The following USP24 variants were observed in gnomAD, a reference collection of about 807,000 sequenced individuals.
USP24 encodes the protein ubiquitin carboxyl-terminal hydrolase 24.
A neutral mutation model predicts 361.6 loss-of-function variants in USP24; 97 were observed. The ratio of observed to expected loss-of-function variants is 0.27; its 90% confidence interval spans 0.23 to 0.32. The LOEUF is 0.32. Ranked by LOEUF, USP24 falls within the 10% of genes least tolerant of loss-of-function variation. The pLI is 1.00. For missense variants in USP24, 2,353 were observed against 3,165.6 expected, an observed-to-expected ratio of 0.74 and a Z score of 6.16; for synonymous variants, 1,098 against 1,124.6, an observed-to-expected ratio of 0.98 and a Z score of 0.47.
intron 16 of USP24, among the ~76,000 whole-genome samples, chr1:55,150,337 A>C (rs1172226711): frequency 6.6e-6 from 1 of 152,206 alleles, no homozygotes; most frequent in African/African-American, 2.4e-5. Context: ...CAAAACGGAC[A>C]GTTTCTTTTT....
intron 7 of USP24, among the ~76,000 whole-genome samples, chr1:55,165,200 T>C (rs1415951446): frequency 2.6e-5 from 4 of 152,130 alleles, no homozygotes; most frequent in Admixed American, 2.0e-4. Flanking sequence ...TTTTAACACA[T>C]TATTTTCTGT....
chr1:55,100,933 T>C lies in USP24; in HGVS notation c.5177A>G (p.Asn1726Ser). 6.2e-7 allele frequency: 1 copy of C among 1,613,270 alleles called. No individual in the cohort carries two copies. Among genetic ancestry groups the C allele is most frequent in the Non-Finnish European group, 8.5e-7 (1 of 1,179,664 alleles). ...TTGGTAAAACACGCTATCATCTGGA[T>C]TGTCTGTGTCATCATCCACTGAAAG... ...SLLSVDDDTD[N>S]PDDSVFYQVQ... The change falls in exon 44 of 68, where the codon AAT becomes AGT. Residue 1726 changes from asparagine (N) to serine (S), a missense_variant. Asn to Ser is a conservative substitution (Grantham distance 46). Around this residue, in one of 8 missense-constraint regions of USP24, gnomAD observed 949 missense variants for 1,280.5 expected, o/e 0.74. Transcript: ENST00000294383.
rs1410757363 is a variant in USP24 at position 55,167,034 on chromosome 1, CTT to C, written c.826-433_826-432del. Reference sequence around the variant, plus strand: ...TCTTAAGCAAGCTCTATTTTCTCCTCTTTTTCTTTTCTTTTTGAGCATTCACT... The same window carrying C: ...TCTTAAGCAAGCTCTATTTTCTCCTCTTTCTTTTCTTTTTGAGCATTCACT... On this transcript the variant is annotated intron_variant, in intron 5 of 67. Coordinates refer to ENST00000294383, the MANE Select transcript of USP24 (RefSeq NM_015306.3). 5.3e-5 allele frequency among the ~76,000 whole-genome samples: 8 copies of C among 152,296 alleles called. No homozygotes were observed. In the South Asian group the frequency reaches 8.3e-4, roughly 16 times the overall value.
intron 34 of USP24, 125 bp from the exon 35 acceptor site, chr1:55,124,753 G>A (rs1374519303): frequency 3.8e-6 from 4 of 1,048,000 alleles, no homozygotes; most frequent in Non-Finnish European, 5.5e-6. Flanking sequence ...CAGAAAGATG[G>A]CCTTTCTCAA....
Position 55,137,612 on chromosome 1 carries a change from G to A in USP24, c.3104C>T (p.Ser1035Phe). ...SDEQILTVKT[S>F]GSGTPSGSSA... ...ACTCCCAGATGGGGTCCCACTGCCA[G>A]AAGTCTTCACTGTAAGGATTTGTTC... Residue 1035 changes from serine (S) to phenylalanine (F), a missense_variant, in exon 28 of 68, where the codon TCT becomes TTT. Physicochemically the swap from Ser to Phe is radical, Grantham distance 155. This residue lies in a region of USP24 where 949 missense variants were observed against 1,280.5 expected (regional missense o/e 0.74). Transcript: ENST00000294383. 2 of 1,613,356 alleles carry A rather than the reference G, an allele frequency of 1.2e-6. No individual in the cohort carries two copies. The highest frequency in any genetic ancestry group is 1.7e-6 in the Non-Finnish European group (2 of 1,179,628).
At position 55,147,096 on chromosome 1, in the gene USP24, G is replaced by A. The variant is rs1195474544; in HGVS notation, c.2119-36C>T. 4.7e-6 allele frequency: 7 copies of A among 1,496,218 alleles called. No individual in the cohort carries two copies. The South Asian group carries it at 8.2e-5, about 18-fold the overall frequency. The allele number at this position is 1,496,218 out of a possible 1,614,324, so 92.7% of individuals were successfully genotyped here. The stretch of plus-strand genomic sequence containing the variant: ...AAATAATGCTAATTAGTTAACTCCA[G>A]GCATTCATTCCTAAAAGCAACATTA... On this transcript the variant is annotated intron_variant, in intron 18 of 67. Coordinates refer to ENST00000294383, the MANE Select transcript of USP24 (RefSeq NM_015306.3).
intron 1 of USP24, among the ~76,000 whole-genome samples, chr1:55,195,666 C>T (rs756632475): frequency 5.9e-5 from 9 of 152,116 alleles, no homozygotes; most frequent in Non-Finnish European, 1.2e-4. Flanking sequence ...GCCTTGAGGA[C>T]ATCATGCTTA....
At chr1:55,194,550 C>T (rs1427571112) in intron 1 of USP24, among the ~76,000 whole-genome samples, 2 of 152,034 alleles carry the variant, frequency 1.3e-5, no homozygotes, top group South Asian at 2.1e-4. Flanking sequence ...TGCAGTGAGC[C>T]GTGTTCATGC....
chr1:55,105,407 G>A (rs1645744635), intron 41 of USP24, among the ~76,000 whole-genome samples: 1 of 152,126 alleles, frequency 6.6e-6, no homozygotes, highest in Admixed American at 6.6e-5. Flanking sequence ...TACCTCTTAG[G>A]ATTCCACAAA....
chr1:55,077,218 G>T lies in USP24; in HGVS notation c.7380+17C>A. 1 of 1,502,698 alleles carries T rather than the reference G, an allele frequency of 6.7e-7. No individual in the cohort carries two copies. The highest frequency in any genetic ancestry group is 1.3e-5 in the South Asian group (1 of 75,174). The allele number at this position is 1,502,698 out of a possible 1,614,324, so 93.1% of individuals were successfully genotyped here. On this transcript the variant is annotated intron_variant, in intron 62 of 67. Coordinates refer to ENST00000294383, the MANE Select transcript of USP24 (RefSeq NM_015306.3). ...TACATTCCTAAATAAAAGTGAGTCA[G>T]AACAGTTATGACTTACCAATATTTC... is the stretch of plus-strand genomic sequence containing the variant.
At position 55,185,590 on chromosome 1, in the gene USP24, T is replaced by G. The variant is rs1337832996; in HGVS notation, c.325-7458A>C. 2.6e-5 allele frequency among the ~76,000 whole-genome samples: 4 copies of G among 152,314 alleles called. 1 individual carries two copies. Among genetic ancestry groups the G allele is most frequent in the African/African-American group, 9.6e-5 (4 of 41,586 alleles). ...TTTTATTTATTTTTGAGACAGAGTC[T>G]TGCTCTGTCATCCAGGCTGGAGTGC... On this transcript the variant is annotated intron_variant, in intron 1 of 67. Coordinates refer to ENST00000294383, the MANE Select transcript of USP24 (RefSeq NM_015306.3).
intron 39 of USP24, among the ~76,000 whole-genome samples, chr1:55,108,881 C>T (rs139265364): frequency 1.3e-5 from 2 of 152,372 alleles, no homozygotes; most frequent in African/African-American, 4.8e-5. Context: ...ACCCACTTCG[C>T]TAGATCCAAC....
chr1:55,092,150 G>C (rs749215609), intron 53 of USP24, 24 bp from the exon 54 acceptor site: 3 of 1,544,318 alleles, frequency 1.9e-6, no homozygotes, highest in South Asian at 2.4e-5. Flanking sequence ...ACATGAAAGA[G>C]GATATTTTTC....
intron 38 of USP24, among the ~76,000 whole-genome samples, chr1:55,111,148 AT>A (rs1367532741): frequency 6.6e-6 from 1 of 151,818 alleles, no homozygotes; most frequent in Non-Finnish European, 1.5e-5. Context: ...TTTTCCTGGT[AT>A]TTAGCATGCA....
intron 8 of USP24, among the ~76,000 whole-genome samples, chr1:55,160,005 T>A (rs1476318967): frequency 6.6e-6 from 1 of 152,178 alleles, no homozygotes; most frequent in African/African-American, 2.4e-5. Context: ...ATAATAAATA[T>A]TTTGTGCTTG....
At chr1:55,095,220 A>C (rs764735032) in intron 51 of USP24, 35 bp downstream of exon 51, 1 of 1,608,248 alleles carries the variant, frequency 6.2e-7, no homozygotes. Context: ...TCACCATAGA[A>C]ATCACACAGC....
chr1:55,070,774 C>A (rs1470561998), intron 67 of USP24, among the ~76,000 whole-genome samples: 1 of 152,132 alleles, frequency 6.6e-6, no homozygotes, highest in African/African-American at 2.4e-5. Context: ...TGGGAAGGGT[C>A]TGGCAGGGTG....
At chr1:55,155,314 T>C (rs1171808971) in intron 12 of USP24, among the ~76,000 whole-genome samples, 1 of 152,198 alleles carries the variant, frequency 6.6e-6, no homozygotes, top group African/African-American at 2.4e-5. Flanking sequence ...ATTCACTTTA[T>C]AACGTCAATT....
rs556508112 is a variant in USP24, at chr1:55,214,862, G to A, written c.252C>T (p.Ser84=). ...GGGDGGGGGP[S]RGGSTGGGGG... ...CCCCGCCTCCGGTGCTCCCGCCGCG[G>A]GAGGGGCCGCCGCCGCCGCCGTCAC... The change falls in exon 1 of 68, where the codon TCC becomes TCT. Residue 84 remains serine, a synonymous_variant. Transcript: ENST00000294383. 2 of 1,223,588 alleles carry A rather than the reference G, an allele frequency of 1.6e-6. No homozygotes were observed. Among genetic ancestry groups the A allele is most frequent in the South Asian group, 4.1e-5 (1 of 24,280 alleles). 75.8% of individuals were successfully genotyped at this position (1,223,588 alleles called of 1,614,324 possible).
Sources: allele counts gnomAD v4.1 joint callset (sites outside exome capture counted in the v4.1 genomes callset), GRCh38; gene constraint gnomAD v4.1.1; regional missense constraint gnomAD v4.1.1; transcripts MANE v1.5; gene names NCBI Gene and HGNC (gene_info 2026-07-23, HGNC 2026-07-21).